TTN: variants seen among roughly 807,000 people sequenced by gnomAD.
The protein encoded by TTN is titin.
TTN carries 1,525 observed loss-of-function variants against 3,223.0 expected under a neutral mutation model. That is an observed-to-expected ratio of 0.47 (90% confidence interval 0.45 to 0.49). TTN has a LOEUF of 0.49. TTN is among the 20% of genes least tolerant of loss of function. The probability of loss-of-function intolerance (pLI) is 0.00; values close to 1 mark genes in which losing one functional copy is unlikely to be tolerated. For synonymous variants in TTN, 14,094 were observed against 15,161.0 expected (o/e 0.93, Z 5.17); for missense variants, 40,786 against 43,424.0 (o/e 0.94, Z 5.40).
At position 178,778,939 on chromosome 2, in the gene TTN, C is replaced by T. The variant is rs756221433; in HGVS notation, c.4143G>A (p.Val1381=). 1 of 1,613,986 alleles carries T rather than the reference C, an allele frequency of 6.2e-7. No homozygotes were observed. The highest frequency in any genetic ancestry group is 8.5e-7 in the Non-Finnish European group (1 of 1,179,918). The change falls in exon 24 of 363, where the codon GTG becomes GTA. Residue 1381 remains valine (V), a synonymous_variant. Coordinates refer to ENST00000589042, the MANE Select transcript of TTN (RefSeq NM_001267550.2). ...GAGCTCCAAGTGGTGCAGCAGGCTC[C>T]ACATACAATTTCCCTGAGCAAATTG... is the stretch of plus-strand genomic sequence containing the variant. ...GNAICSGKLY[V]EPAAPLGAPT... is the part of the protein sequence containing the mutation.
At chr2:178,767,026 T>C (rs1397957145) in intron 40 of TTN, among the ~76,000 whole-genome samples, 1 of 152,148 alleles carries the variant, frequency 6.6e-6, no homozygotes, top group African/African-American at 2.4e-5. Flanking sequence ...TTATCCTCAT[T>C]TTAAGAGTGA....
chr2:178,550,407 G>C, intron 336 of TTN, 134 bp from the exon 337 acceptor site: 1 of 695,096 alleles, frequency 1.4e-6, no homozygotes, highest in Non-Finnish European at 2.3e-6. Flanking sequence ...AGCCTATTTT[G>C]AAAGTAGGAT....
At chr2:178,553,858 T>G in intron 333 of TTN, 51 bp from the exon 334 acceptor site, 1 of 1,560,836 alleles carries the variant, frequency 6.4e-7, no homozygotes, top group Non-Finnish European at 8.7e-7. Context: ...TACAATTTAG[T>G]CACACAGGTG....
rs374920916 is a variant in TTN, at chr2:178,536,357, C to G, written c.100390G>C (p.Glu33464Gln). The stretch of plus-strand genomic sequence containing the variant: ...AGATTTTCACATTTCACACGAAACT[C>G]GTATTCAAGACCTTCAATAAGGTTT... The part of the protein sequence containing the change: ...VKNLIEGLEY[E>Q]FRVKCENLGG... Residue 33464 changes from glutamate to glutamine, a missense_variant, in exon 357 of 363, where the codon GAG (glutamate) becomes CAG (glutamine). Physicochemically the swap from Glu to Gln is conservative, Grantham distance 29. Coordinates refer to ENST00000589042, the MANE Select transcript of TTN (RefSeq NM_001267550.2). 1 of 1,613,756 alleles carries G rather than the reference C, an allele frequency of 6.2e-7. No homozygotes were observed. The highest frequency in any genetic ancestry group is 8.5e-7 in the Non-Finnish European group (1 of 1,179,774).
Position 178,545,493 on chromosome 2 carries a change from G to A in TTN, c.95617C>T (p.Leu31873=). The change falls in exon 344 of 363, where the codon CTG becomes TTG. Residue 31873 remains leucine (L), a synonymous_variant. Transcript: ENST00000589042. The part of the protein sequence containing the change: ...VYDTRLKVTS[L]MEGCDYQFRV... ...AACTGGTAATCACAACCCTCCATCA[G>A]GCTGGTCACCTTCAGCCTGGTATCA... is the stretch of plus-strand genomic sequence containing the variant. 1 of 1,613,596 alleles carries A rather than the reference G, an allele frequency of 6.2e-7. No homozygotes were observed. Among genetic ancestry groups the A allele is most frequent in the Non-Finnish European group, 8.5e-7 (1 of 1,179,620 alleles).
intron 6 of TTN, among the ~76,000 whole-genome samples, chr2:178,795,816 CT>C (rs1427333474): frequency 6.6e-6 from 1 of 152,140 alleles, no homozygotes; most frequent in Non-Finnish European, 1.5e-5. Context: ...CCTCAGGAAG[CT>C]TTCTGCAGCA....
intron 22 of TTN, 63 bp from the exon 23 acceptor site, chr2:178,779,525 A>G (rs1225696677): frequency 9.1e-7 from 1 of 1,095,734 alleles, no homozygotes. Context: ...TTATTTAAGG[A>G]GATGTATCTG....
rs1244081106 is a variant in TTN, at chr2:178,591,659, T to C, written c.60160A>G (p.Asn20054Asp). 6.2e-7 allele frequency: 1 copy of C among 1,613,380 alleles called. No individual in the cohort carries two copies. The highest frequency in any genetic ancestry group is 8.5e-7 in the Non-Finnish European group (1 of 1,179,582). Reference sequence around the variant, plus strand: ...TCAGGGAGACCAAGACCCACAATGTTTTCAGCTTTTACACGGAATCTATAG... The same window carrying C: ...TCAGGGAGACCAAGACCCACAATGTCTTCAGCTTTTACACGGAATCTATAG... Reference protein sequence around the residue: ...KTYRFRVKAENIVGLGLPDTT... With the variant: ...KTYRFRVKAEDIVGLGLPDTT... The change falls in exon 303 of 363, where the codon AAC becomes GAC. Residue 20054 changes from asparagine to aspartate, a missense_variant. Transcript: ENST00000589042.
Position 178,607,521 on chromosome 2 carries a change from C to T in TTN, c.53167G>A (p.Val17723Ile), listed in dbSNP as rs2055183327. 6 of 1,613,200 alleles carry T rather than the reference C, an allele frequency of 3.7e-6. No homozygotes were observed. The highest frequency in any genetic ancestry group is 1.1e-5 in the South Asian group (1 of 91,060). Reference protein sequence around the residue: ...LDKDRVVIDNVGTKSELIIKD... With the variant: ...LDKDRVVIDNIGTKSELIIKD... ...ATAATTAGTTCAGATTTGGTTCCAA[C>T]GTTGTCTATTACAACACGGTCTTTA... Residue 17723 changes from valine (V) to isoleucine (I), a missense_variant, in exon 277 of 363, where the codon GTT becomes ATT. Val to Ile is a conservative substitution (Grantham distance 29, BLOSUM62 3). Transcript: ENST00000589042.
In TTN at chr2:178,620,207, TCTTGCTTA is replaced by T; in HGVS notation, c.46304+2_46304+9del. 6.5e-7 allele frequency: 1 copy of T among 1,541,944 alleles called. No individual in the cohort carries two copies. The highest frequency in any genetic ancestry group is 8.7e-7 in the Non-Finnish European group (1 of 1,148,832). The stretch of plus-strand genomic sequence containing the variant: ...GCTACAGAAATAGAGAATAAAAAGA[TCTTGCTTA>T]CTTTTTGCCTTCTTTGATTTCTCTC... On this transcript the variant is annotated splice_donor_variant and splice_donor_5th_base_variant and intron_variant, in intron 248 of 362. Coordinates refer to ENST00000589042, the MANE Select transcript of TTN (RefSeq NM_001267550.2). LOFTEE classifies it high-confidence loss of function.
In TTN at chr2:178,636,544, T is replaced by C; in HGVS notation, c.41183A>G (p.Glu13728Gly). Residue 13728 changes from glutamate (E) to glycine (G), a missense_variant, in exon 225 of 363, where the codon GAG becomes GGG. Glu to Gly is a moderately conservative substitution (Grantham distance 98). Transcript: ENST00000589042. This position sits in a 1 kb window ranked among gnomAD's most constrained non-coding sequence, Gnocchi z 4.3. ...TGCAATAAACCTGTGCTTGGGACTC[T>C]CACGGATATTGCTACCGTCTTTCAT... is the stretch of plus-strand genomic sequence containing the variant. ...TWMKDGSNIR[E>G]SPKHRFIADG... is the part of the protein sequence containing the mutation. 2 of 1,613,510 alleles carry C rather than the reference T, an allele frequency of 1.2e-6. No individual in the cohort carries two copies. The highest frequency in any genetic ancestry group is 1.7e-5 in the Admixed American group (1 of 59,988).
chr2:178,664,272 T>C (rs2065451432), intron 168 of TTN, among the ~76,000 whole-genome samples, 174 bp from the exon 169 acceptor site: 1 of 152,124 alleles, frequency 6.6e-6, no homozygotes, highest in Non-Finnish European at 1.5e-5. Flanking sequence ...CGGTATTTTC[T>C]TTTTGGTAGC....
rs1156807658 is a variant in TTN, at chr2:178,641,289, C to T, written c.40585G>A (p.Glu13529Lys). 6 of 1,507,974 alleles carry T rather than the reference C, an allele frequency of 4.0e-6. No homozygotes were observed. Among genetic ancestry groups the T allele is most frequent in the Non-Finnish European group, 4.4e-6 (5 of 1,129,546 alleles). The allele number at this position is 1,507,974 out of a possible 1,614,324, so 93.4% of individuals were successfully genotyped here. ...AGTTTTTTAGGTTCTACTTTAGGTT[C>T]TTCTTCTTCAGGTCTTTTTCTTAGA... ...SVLRKRPEEE[E>K]PKVEPKKLEK... The change falls in exon 220 of 363, where the codon GAA becomes AAA. Residue 13529 changes from glutamate to lysine, a missense_variant. Transcript: ENST00000589042.
In TTN at chr2:178,632,545, A is replaced by C. The variant is rs2059935679; in HGVS notation, c.43461T>G (p.Ser14487Arg). 1 of 1,613,230 alleles carries C rather than the reference A, an allele frequency of 6.2e-7. No homozygotes were observed. Residue 14487 changes from serine (S) to arginine (R), a missense_variant, in exon 235 of 363, where the codon AGT (serine) becomes AGG (arginine). Physicochemically the swap from Ser to Arg is moderately radical, Grantham distance 110. Transcript: ENST00000589042. ...ATTTACCTTCAATGATCAGTTTGCCACTTGTGTGCTTATCTTCAGCTTCAA... is the reference window on the plus strand; with the variant it reads ...ATTTACCTTCAATGATCAGTTTGCCCCTTGTGTGCTTATCTTCAGCTTCAA... ...YMFEAEDKHT[S>R]GKLIIEGIRL... is the part of the protein sequence containing the mutation.
chr2:178,746,013 T>G (rs1161824542), intron 47 of TTN: 3 of 1,613,214 alleles, frequency 1.9e-6, no homozygotes, highest in Non-Finnish European at 2.5e-6. Context: ...CCCCGACAGA[T>G]AGCCTCTCCT....
intron 23 of TTN, 36 bp from the exon 24 acceptor site, chr2:178,779,154 A>G: frequency 6.2e-7 from 1 of 1,613,172 alleles, no homozygotes; most frequent in South Asian, 1.1e-5. Flanking sequence ...AATAAAATTT[A>G]CATCAAATAG....
chr2:178,782,976 T>C lies in TTN; in HGVS notation c.2930A>G (p.Tyr977Cys), dbSNP rs1305432524. The part of the protein sequence containing the change: ...SGYPSPTVTW[Y>C]REDYQIESSI... ...ACTTTCGATTTGGTAGTCTTCCCTG[T>C]ACCATGTCACTGTCGGGGATGGGTA... Residue 977 changes from tyrosine (Y) to cysteine (C), a missense_variant, in exon 18 of 363, where the codon TAC becomes TGC. Tyr to Cys is a radical substitution (Grantham distance 194). Transcript: ENST00000589042. 1.2e-6 allele frequency: 2 copies of C among 1,614,166 alleles called. No homozygotes were observed. The highest frequency in any genetic ancestry group is 1.7e-6 in the Non-Finnish European group (2 of 1,180,004).
In TTN at chr2:178,652,835, C is replaced by T. The variant is rs1489293250; in HGVS notation, c.38959+13G>A. The T allele has an allele frequency of 1.9e-6, 3 of 1,609,550 alleles. No individual in the cohort carries two copies. Among genetic ancestry groups the T allele is most frequent in the Non-Finnish European group, 2.5e-6 (3 of 1,178,574 alleles). ...AGTTTGATCTTCTGAAGCCTAAAGC[C>T]AGTGACAAATACCTTTAACAGGAGG... On this transcript the variant is annotated intron_variant, in intron 200 of 362. Transcript: ENST00000589042.
chr2:178,585,117 T>G lies in TTN; in HGVS notation c.64627A>C (p.Asn21543His), dbSNP rs745843637. The change falls in exon 309 of 363, where the codon AAC becomes CAC. Residue 21543 changes from asparagine (N) to histidine (H), a missense_variant. Transcript: ENST00000589042. ...TTCTGAGTGTCTGTCCCAGAACTGT[T>G]CTCTGCTGTGAGGCTGTAGTAACCA... is the stretch of plus-strand genomic sequence containing the variant. ...DSGYYSLTAE[N>H]SSGTDTQKIK... 1 of 1,612,830 alleles carries G rather than the reference T, an allele frequency of 6.2e-7. No individual in the cohort carries two copies.
Sources: allele counts gnomAD v4.1 joint callset (sites outside exome capture counted in the v4.1 genomes callset), GRCh38; gene constraint gnomAD v4.1.1; non-coding constraint Gnocchi (gnomAD v3.1); transcripts MANE v1.5; gene names NCBI Gene and HGNC (gene_info 2026-07-23, HGNC 2026-07-21).